Variants in NALF1 observed in about 807,000 individuals in gnomAD.
The protein encoded by NALF1 is family with sequence similarity 155 member A.
Under a neutral mutation model 48.4 loss-of-function variants are expected in NALF1, and 3 were observed. The observed-to-expected ratio is 0.06, with a 90% CI of 0.03 to 0.16. The LOEUF is 0.16. Among genes scored for constraint, NALF1 ranks in the 10% least tolerant of loss-of-function variants. The probability of loss-of-function intolerance (pLI) is 1.00; values close to 1 mark genes in which losing one functional copy is unlikely to be tolerated. For missense variants in NALF1, 526 were observed against 571.5 expected, an observed-to-expected ratio of 0.92 and a Z score of 0.81; for synonymous variants, 262 against 245.7, an observed-to-expected ratio of 1.07 and a Z score of -0.62.
At chr13:107,393,255 A>G (rs889397428) in intron 1 of NALF1, among the ~76,000 whole-genome samples, 2 of 152,128 alleles carry the variant, frequency 1.3e-5, no homozygotes, top group Admixed American at 6.6e-5. Context: ...TAGCTTATTC[A>G]GCTTTCCAAA....
At chr13:107,432,989 T>C (rs1884407288) in intron 1 of NALF1, among the ~76,000 whole-genome samples, 1 of 152,188 alleles carries the variant, frequency 6.6e-6, no homozygotes, top group East Asian at 1.9e-4. Context: ...CCACACCTTT[T>C]GACTCTTTTT....
At chr13:107,858,193 A>G (rs903525326) in intron 1 of NALF1, among the ~76,000 whole-genome samples, 2 of 152,210 alleles carry the variant, frequency 1.3e-5, no homozygotes, top group South Asian at 4.1e-4. Flanking sequence ...TGCTTGCTAT[A>G]TCATCGAAAA....
chr13:107,254,646 T>C (rs1163097521), intron 1 of NALF1, among the ~76,000 whole-genome samples: 1 of 152,178 alleles, frequency 6.6e-6, no homozygotes, highest in Non-Finnish European at 1.5e-5. Flanking sequence ...CCTGGGTAAA[T>C]AAACCACCTA....
chr13:107,695,854 A>C (rs1424710695), intron 1 of NALF1, among the ~76,000 whole-genome samples: 1 of 152,050 alleles, frequency 6.6e-6, no homozygotes, highest in Admixed American at 6.6e-5. Flanking sequence ...GAATTAGTAC[A>C]ACTCAATAAT....
At position 107,803,752 on chromosome 13, in the gene NALF1, C is replaced by T. The variant is rs548529612; in HGVS notation, c.915+61930G>A. 7.2e-5 allele frequency among the ~76,000 whole-genome samples: 11 copies of T among 152,186 alleles called. 1 individual carries two copies. In the South Asian group the frequency reaches 1.9e-3, roughly 26 times the overall value. On this transcript the variant is annotated intron_variant, in intron 1 of 2. Transcript: ENST00000375915. ...GTCCCTAAACAACAAATTTAATAAA[C>T]GTTAATGAGCACCATTATAAACCAG...
At chr13:107,739,011 A>C (rs1876549060) in intron 1 of NALF1, among the ~76,000 whole-genome samples, 1 of 152,150 alleles carries the variant, frequency 6.6e-6, no homozygotes, top group African/African-American at 2.4e-5. Flanking sequence ...TTTTATAATC[A>C]AAGAGCATGT....
chr13:107,286,601 AAAAG>A (rs1555330477), intron 1 of NALF1, among the ~76,000 whole-genome samples: 8 of 147,452 alleles, frequency 5.4e-5, no homozygotes, highest in Admixed American at 1.4e-4. Flanking sequence ...AAAAAAAAAA[AAAAG>A]AAAGAAAGAA....
chr13:107,557,058 TAGC>T (rs1406225440), intron 1 of NALF1, among the ~76,000 whole-genome samples: 1 of 152,190 alleles, frequency 6.6e-6, no homozygotes, highest in African/African-American at 2.4e-5. Flanking sequence ...TTCCCCAAAA[TAGC>T]AGAGCAGTTT....
chr13:107,725,686 CAAAAA>C (rs1262849129), intron 1 of NALF1, among the ~76,000 whole-genome samples: 1 of 95,854 alleles, frequency 1.0e-5, no homozygotes, highest in Non-Finnish European at 2.3e-5. Context: ...CTCTGTCTCT[CAAAAA>C]AAAAAAAAAA....
intron 2 of NALF1, among the ~76,000 whole-genome samples, chr13:107,198,580 T>C (rs1306117699): frequency 1.3e-5 from 2 of 152,232 alleles, no homozygotes; most frequent in Non-Finnish European, 1.5e-5. Context: ...ATTTGTTCTT[T>C]GCTTGAACAA....
intron 1 of NALF1, among the ~76,000 whole-genome samples, chr13:107,851,079 C>G (rs1289810908): frequency 6.6e-6 from 1 of 152,112 alleles, no homozygotes. Flanking sequence ...AAAATATTGA[C>G]AGTTTACCCT....
intron 1 of NALF1, among the ~76,000 whole-genome samples, chr13:107,250,386 C>T (rs1057066284): frequency 1.3e-5 from 2 of 151,872 alleles, no homozygotes; most frequent in Admixed American, 1.3e-4. Context: ...AAATATTGCC[C>T]TCAGCTATAG....
At chr13:107,579,651 C>CTT (rs1399933488) in intron 1 of NALF1, among the ~76,000 whole-genome samples, 2 of 129,874 alleles carry the variant, frequency 1.5e-5, no homozygotes. Flanking sequence ...AGCTATTTTT[C>CTT]TTTTTTTTTT....
intron 1 of NALF1, among the ~76,000 whole-genome samples, chr13:107,407,957 G>A (rs1021940393): frequency 6.6e-6 from 1 of 152,002 alleles, no homozygotes; most frequent in Non-Finnish European, 1.5e-5. Flanking sequence ...GCAACAACAC[G>A]CATGGAACTG....
At chr13:107,349,497 C>T (rs1269829028) in intron 1 of NALF1, among the ~76,000 whole-genome samples, 2 of 152,074 alleles carry the variant, frequency 1.3e-5, no homozygotes, top group East Asian at 1.9e-4. Context: ...AATCCCAGCA[C>T]TTTGGGAGGG....
chr13:107,559,006 C>T (rs9520490), intron 1 of NALF1, among the ~76,000 whole-genome samples: 49,735 of 152,080 alleles, frequency 0.33, 9,304 homozygotes, highest in Non-Finnish European at 0.43. Flanking sequence ...CCTGGCCCCC[C>T]ACCCTGCAGG....
chr13:107,775,429 C>A lies in NALF1; in HGVS notation c.915+90253G>T, dbSNP rs547922993. On this transcript the variant is annotated intron_variant, in intron 1 of 2. Coordinates refer to ENST00000375915, the MANE Select transcript of NALF1 (RefSeq NM_001080396.3). Reference sequence around the variant, plus strand: ...CATAGTATTCCATGGTGTATATGTGCCACATTTTCTTAATCCAGTCTATCA... The same window carrying A: ...CATAGTATTCCATGGTGTATATGTGACACATTTTCTTAATCCAGTCTATCA... 3.8e-4 allele frequency among the ~76,000 whole-genome samples: 58 copies of A among 151,192 alleles called. 2 individuals are homozygous for A. The highest frequency in any genetic ancestry group is 1.3e-3 in the African/African-American group (54 of 41,166).
At chr13:107,801,004 GT>G (rs1878596852) in intron 1 of NALF1, among the ~76,000 whole-genome samples, 4 of 152,058 alleles carry the variant, frequency 2.6e-5, no homozygotes, top group Admixed American at 2.6e-4. Flanking sequence ...AAGGAAATTA[GT>G]TTGTATAATT....
At chr13:107,760,069 T>A (rs1010838607) in intron 1 of NALF1, among the ~76,000 whole-genome samples, 1 of 152,188 alleles carries the variant, frequency 6.6e-6, no homozygotes, top group Non-Finnish European at 1.5e-5. Context: ...GGTAGGAATA[T>A]AAAGTGAATG....
Sources: gnomAD v4.1 joint callset for allele counts (sites outside exome capture counted in the v4.1 genomes callset) on GRCh38, gnomAD v4.1.1 for gene constraint, MANE v1.5 for transcripts, NCBI Gene and HGNC (gene_info 2026-07-23, HGNC 2026-07-21) for gene names.